The following COMMD10 variants were observed in gnomAD, a reference collection of about 807,000 sequenced individuals.
COMMD10 encodes COMM domain containing 10.
COMMD10 carries 33 observed loss-of-function variants against 28.9 expected under a neutral mutation model. The observed-to-expected ratio is 1.14, with a 90% confidence interval of 0.87 to 1.53. The LOEUF (loss-of-function observed/expected upper bound fraction) is 1.53. COMMD10 is among the 40% of genes most tolerant of loss of function. The pLI is 0.00. For missense variants in COMMD10, 310 were observed against 233.4 expected (o/e 1.33, Z -2.14); for synonymous variants, 110 against 81.7 (o/e 1.35, Z -1.87).
In COMMD10 at chr5:116,239,617, C is replaced by G. The variant is rs531910487; in HGVS notation, c.511-51900C>G. ...CAACTTCCACGACATTTAGAAGATTCATAAAGTGCTGGTCAAAATAATGGA... is the reference window on the plus strand; with the variant it reads ...CAACTTCCACGACATTTAGAAGATTGATAAAGTGCTGGTCAAAATAATGGA... On this transcript the variant is annotated intron_variant, in intron 5 of 6. Transcript: ENST00000274458. Among the ~76,000 whole-genome samples the G allele has an allele frequency of 1.1e-4, 17 of 152,180 alleles. No homozygotes were observed. The East Asian group carries it at 3.3e-3, about 29-fold the overall frequency.
At chr5:116,273,282 G>C (rs556728081) in intron 5 of COMMD10, among the ~76,000 whole-genome samples, 1 of 151,802 alleles carries the variant, frequency 6.6e-6, no homozygotes, top group Admixed American at 6.6e-5. Context: ...GCTTTTTGAA[G>C]AACCCTCCTT....
chr5:116,144,167 G>C (rs1752274185), intron 5 of COMMD10, among the ~76,000 whole-genome samples: 2 of 151,836 alleles, frequency 1.3e-5, no homozygotes, highest in Admixed American at 6.6e-5. Context: ...TATAATTTCA[G>C]TCATGAGAAT....
chr5:116,208,459 G>T (rs369238668), intron 5 of COMMD10, among the ~76,000 whole-genome samples: 4 of 152,112 alleles, frequency 2.6e-5, no homozygotes, highest in Admixed American at 2.0e-4. Flanking sequence ...GTAATGAACA[G>T]TTATTCCCTC....
At chr5:116,277,642 A>G (rs547574436) in intron 5 of COMMD10, among the ~76,000 whole-genome samples, 1 of 152,038 alleles carries the variant, frequency 6.6e-6, no homozygotes, top group Admixed American at 6.6e-5. Flanking sequence ...CTTGAGGTAA[A>G]TGCTGAACTT....
At chr5:116,166,278 G>A (rs1381286823) in intron 5 of COMMD10, among the ~76,000 whole-genome samples, 1 of 152,094 alleles carries the variant, frequency 6.6e-6, no homozygotes, top group Non-Finnish European at 1.5e-5. Flanking sequence ...TCTATTATTT[G>A]TAGAGCTTAA....
At chr5:116,218,337 A>G (rs368728160) in intron 5 of COMMD10, 8 of 655,840 alleles carry the variant, frequency 1.2e-5, no homozygotes, top group African/African-American at 3.6e-5. Flanking sequence ...CACTGGGCGT[A>G]GGATGCAGAG....
intron 5 of COMMD10, among the ~76,000 whole-genome samples, chr5:116,171,158 A>G (rs1031329385): frequency 9.9e-5 from 15 of 151,910 alleles, no homozygotes; most frequent in South Asian, 2.1e-4. Context: ...GCATCAAAAA[A>G]TGGGCAAAGG....
chr5:116,120,388 A>T (rs903856817), intron 4 of COMMD10, among the ~76,000 whole-genome samples: 1 of 152,112 alleles, frequency 6.6e-6, no homozygotes, highest in Non-Finnish European at 1.5e-5. Context: ...AAGACTACAC[A>T]TTGGGTACAG....
At chr5:116,102,518 A>G (rs972388707) in intron 4 of COMMD10, among the ~76,000 whole-genome samples, 7 of 152,162 alleles carry the variant, frequency 4.6e-5, no homozygotes, top group Non-Finnish European at 1.0e-4. Flanking sequence ...CTTTTTGCTT[A>G]GGACTGCTTT....
At chr5:116,090,669 G>T (rs1750265686) in intron 2 of COMMD10, among the ~76,000 whole-genome samples, 1 of 152,152 alleles carries the variant, frequency 6.6e-6, no homozygotes, top group Non-Finnish European at 1.5e-5. Flanking sequence ...CATGTAGGCA[G>T]CTTCAAGAAA....
intron 1 of COMMD10, among the ~76,000 whole-genome samples, chr5:116,086,837 C>T (rs540671118): frequency 4.6e-5 from 7 of 151,992 alleles, no homozygotes; most frequent in South Asian, 2.1e-4. Context: ...AATTAGCCAG[C>T]GCTGTGGCCC....
chr5:116,258,953 C>T (rs1304284988), intron 5 of COMMD10, among the ~76,000 whole-genome samples: 7 of 151,470 alleles, frequency 4.6e-5, no homozygotes, highest in South Asian at 4.2e-4. Flanking sequence ...ACTTCTAGAT[C>T]TATCCTCCTT....
At chr5:116,200,467 G>GAC (rs1214531240) in intron 5 of COMMD10, among the ~76,000 whole-genome samples, 1 of 151,932 alleles carries the variant, frequency 6.6e-6, no homozygotes, top group African/African-American at 2.4e-5. Context: ...TTTCGTATCT[G>GAC]ACATTAATCT....
intron 4 of COMMD10, among the ~76,000 whole-genome samples, 192 bp from the exon 5 acceptor site, chr5:116,133,876 C>T (rs1025164297): frequency 3.9e-5 from 6 of 151,984 alleles, no homozygotes; most frequent in Admixed American, 2.6e-4. Flanking sequence ...ATTTGACAGG[C>T]GTGGCAGGAG....
At chr5:116,221,241 C>A (rs1369540114) in intron 5 of COMMD10, among the ~76,000 whole-genome samples, 1 of 152,008 alleles carries the variant, frequency 6.6e-6, no homozygotes, top group African/African-American at 2.4e-5. Flanking sequence ...TCCCTTATTC[C>A]AACCAATCAA....
At chr5:116,202,466 C>T (rs932134394) in intron 5 of COMMD10, among the ~76,000 whole-genome samples, 1 of 152,018 alleles carries the variant, frequency 6.6e-6, no homozygotes, top group African/African-American at 2.4e-5. Context: ...GCCACACAGA[C>T]TTCCACAATG....
At chr5:116,237,161 C>A (rs1749689854) in intron 5 of COMMD10, among the ~76,000 whole-genome samples, 1 of 151,982 alleles carries the variant, frequency 6.6e-6, no homozygotes, top group Admixed American at 6.6e-5. Context: ...AGCAGAATGT[C>A]TCTGATATGT....
chr5:116,139,242 A>T (rs991188486), intron 5 of COMMD10, among the ~76,000 whole-genome samples: 3 of 151,778 alleles, frequency 2.0e-5, no homozygotes, highest in Non-Finnish European at 4.4e-5. Flanking sequence ...ACTAAGTTGA[A>T]ACAATTTTAC....
At chr5:116,280,310 C>G (rs1393489299) in intron 5 of COMMD10, among the ~76,000 whole-genome samples, 2 of 151,856 alleles carry the variant, frequency 1.3e-5, no homozygotes, top group East Asian at 1.9e-4. Context: ...TTCATTCACT[C>G]TGCCTAGGAT....
Sources: gnomAD v4.1 joint callset for allele counts (sites outside exome capture counted in the v4.1 genomes callset) on GRCh38, gnomAD v4.1.1 for gene constraint, MANE v1.5 for transcripts, NCBI Gene and HGNC (gene_info 2026-07-23, HGNC 2026-07-21) for gene names.